Variants in WWOX observed in about 807,000 individuals in gnomAD.
WWOX encodes the protein WW domain containing oxidoreductase.
Under a neutral mutation model 46.2 loss-of-function variants are expected in WWOX, and 69 were observed. The observed-to-expected ratio is 1.49, with a 90% CI of 1.23 to 1.82. The LOEUF is 1.82. Among genes scored for constraint, WWOX ranks in the 40% most tolerant of loss-of-function variants. WWOX has a pLI of 0.00. For missense variants in WWOX, 919 were observed against 542.6 expected (o/e 1.69, Z -6.89); for synonymous variants, 359 against 202.6 (o/e 1.77, Z -6.56).
At chr16:78,856,838 C>G (rs1358437546) in intron 8 of WWOX, among the ~76,000 whole-genome samples, 1 of 152,074 alleles carries the variant, frequency 6.6e-6, no homozygotes, top group South Asian at 2.1e-4. Context: ...CTGAGAAATG[C>G]TTCGTTAGGC....
At position 78,271,152 on chromosome 16, in the gene WWOX, T is replaced by C. The variant is rs1476740393; in HGVS notation, c.516+106863T>C. On this transcript the variant is annotated intron_variant, in intron 5 of 8. Coordinates refer to ENST00000566780, the MANE Select transcript of WWOX (RefSeq NM_016373.4). Reference sequence around the variant, plus strand: ...CCAAGAATACATCTGTGGACGCTGTTCTGTGCCATCTTGAGTCACGTTTTT... The same window carrying C: ...CCAAGAATACATCTGTGGACGCTGTCCTGTGCCATCTTGAGTCACGTTTTT... Among the ~76,000 whole-genome samples the C allele has an allele frequency of 2.0e-5, 3 of 152,238 alleles. No individual in the cohort carries two copies. In the East Asian group the frequency reaches 5.8e-4, roughly 29 times the overall value.
At chr16:79,018,881 TG>T (rs2047470939) in intron 8 of WWOX, among the ~76,000 whole-genome samples, 1 of 152,042 alleles carries the variant, frequency 6.6e-6, no homozygotes, top group African/African-American at 2.4e-5. Context: ...CTGGGCGTGG[TG>T]GCTCACCCAT....
At chr16:78,476,503 G>A (rs1275943415) in intron 8 of WWOX, among the ~76,000 whole-genome samples, 2 of 152,052 alleles carry the variant, frequency 1.3e-5, no homozygotes, top group Non-Finnish European at 2.9e-5. Context: ...TATACCTAAT[G>A]TAAATGACGA....
intron 8 of WWOX, among the ~76,000 whole-genome samples, chr16:78,595,924 T>C (rs1462304583): frequency 2.0e-5 from 3 of 152,046 alleles, no homozygotes; most frequent in Non-Finnish European, 2.9e-5. Flanking sequence ...AAAAATACAA[T>C]AAAACTAAAA....
At chr16:78,369,555 C>T (rs535125147) in intron 5 of WWOX, among the ~76,000 whole-genome samples, 169 of 152,276 alleles carry the variant, frequency 1.1e-3, no homozygotes, top group African/African-American at 3.9e-3. Flanking sequence ...CACACAAGTG[C>T]ACCTGCCACA....
At chr16:78,696,873 C>T (rs2048111244) in intron 8 of WWOX, among the ~76,000 whole-genome samples, 5 of 152,138 alleles carry the variant, frequency 3.3e-5, no homozygotes. Flanking sequence ...GCCTTTACAT[C>T]CTCATAGCTT....
chr16:79,025,073 C>G (rs1296267484), intron 8 of WWOX, among the ~76,000 whole-genome samples: 1 of 152,104 alleles, frequency 6.6e-6, no homozygotes, highest in Admixed American at 6.5e-5. Context: ...GTCCCTCCCT[C>G]CCCATTCCAC....
At chr16:78,685,863 A>G (rs1182960434) in intron 8 of WWOX, among the ~76,000 whole-genome samples, 1 of 151,274 alleles carries the variant, frequency 6.6e-6, no homozygotes. Context: ...ATCTGAGAGC[A>G]GGGCCAAGAA....
intron 8 of WWOX, among the ~76,000 whole-genome samples, chr16:78,928,359 C>G (rs942204106): frequency 6.6e-6 from 1 of 151,630 alleles, no homozygotes; most frequent in Non-Finnish European, 1.5e-5. Flanking sequence ...CCCGCTACCA[C>G]GCCCGGCTAA....
chr16:78,201,801 G>A (rs551676334), intron 5 of WWOX, among the ~76,000 whole-genome samples: 28 of 152,152 alleles, frequency 1.8e-4, no homozygotes, highest in African/African-American at 5.3e-4. Flanking sequence ...CCAGGTTCAA[G>A]TGATTCTCTT....
chr16:78,122,425 C>T (rs1432865287), intron 4 of WWOX, among the ~76,000 whole-genome samples: 1 of 151,804 alleles, frequency 6.6e-6, no homozygotes, highest in African/African-American at 2.4e-5. Context: ...TGGGTCAAAC[C>T]CATAATTAAA....
At chr16:78,810,986 A>G (rs1012464943) in intron 8 of WWOX, among the ~76,000 whole-genome samples, 4 of 152,164 alleles carry the variant, frequency 2.6e-5, no homozygotes, top group Admixed American at 1.3e-4. Flanking sequence ...TGAACCGAGG[A>G]CGCATCAAAG....
chr16:78,538,796 A>G (rs534354177), intron 8 of WWOX, among the ~76,000 whole-genome samples: 111 of 152,318 alleles, frequency 7.3e-4, no homozygotes, highest in Middle Eastern at 6.8e-3. Context: ...CCTAAAACGC[A>G]TGGGTGGAAA....
chr16:78,839,595 G>T (rs565620862), intron 8 of WWOX, among the ~76,000 whole-genome samples: 1 of 152,156 alleles, frequency 6.6e-6, no homozygotes, highest in African/African-American at 2.4e-5. Flanking sequence ...CTGCATCCCA[G>T]CCTGTCAGCA....
At chr16:78,210,276 T>C (rs557250088) in intron 5 of WWOX, among the ~76,000 whole-genome samples, 1 of 152,316 alleles carries the variant, frequency 6.6e-6, no homozygotes, top group African/African-American at 2.4e-5. Flanking sequence ...GAGCTCTTAA[T>C]TGAGCCATGC....
At chr16:79,061,768 A>G (rs969802035) in intron 8 of WWOX, among the ~76,000 whole-genome samples, 1 of 152,258 alleles carries the variant, frequency 6.6e-6, no homozygotes, top group Non-Finnish European at 1.5e-5. Context: ...GCATATTAAC[A>G]GCAATACTGA....
At chr16:78,312,925 T>A (rs2080277037) in intron 5 of WWOX, among the ~76,000 whole-genome samples, 1 of 152,164 alleles carries the variant, frequency 6.6e-6, no homozygotes, top group African/African-American at 2.4e-5. Flanking sequence ...TGTGCCATTC[T>A]CTCCCCTTAT....
chr16:78,609,962 C>G (rs2045859555), intron 8 of WWOX, among the ~76,000 whole-genome samples: 3 of 148,960 alleles, frequency 2.0e-5, no homozygotes, highest in African/African-American at 7.5e-5. Flanking sequence ...CTCAGAGCCC[C>G]CACCCCCACC....
At chr16:78,736,539 G>A (rs1312925242) in intron 8 of WWOX, among the ~76,000 whole-genome samples, 1 of 151,958 alleles carries the variant, frequency 6.6e-6, no homozygotes, top group African/African-American at 2.4e-5. Flanking sequence ...AGTATCCATG[G>A]CACACAATGT....
Sources: allele counts gnomAD v4.1 joint callset (sites outside exome capture counted in the v4.1 genomes callset), GRCh38; gene constraint gnomAD v4.1.1; transcripts MANE v1.5; gene names NCBI Gene and HGNC (gene_info 2026-07-23, HGNC 2026-07-21).